Variants in NEBL observed in about 807,000 individuals in gnomAD.
The protein encoded by NEBL is nebulette.
NEBL carries 122 observed loss-of-function variants against 140.2 expected under a neutral mutation model. The ratio of observed to expected loss-of-function variants is 0.87; its 90% CI spans 0.75 to 1.01. The LOEUF is 1.01. Among genes scored for constraint, NEBL ranks in the 50% least tolerant of loss-of-function variants. The pLI is 0.00. For synonymous variants in NEBL, 436 were observed against 398.9 expected, an observed-to-expected ratio of 1.09 and a Z score of -1.11; for missense variants, 1,365 against 1,231.3, an observed-to-expected ratio of 1.11 and a Z score of -1.62.
At chr10:21,046,010 C>CAT (rs1387350369) in intron 2 of NEBL, among the ~76,000 whole-genome samples, 1 of 151,846 alleles carries the variant, frequency 6.6e-6, no homozygotes, top group Non-Finnish European at 1.5e-5. Context: ...ATGTGGTACA[C>CAT]ACACACACAC....
intron 26 of NEBL, among the ~76,000 whole-genome samples, chr10:20,807,396 T>G (rs1043073192): frequency 2.0e-5 from 3 of 152,206 alleles, no homozygotes; most frequent in Non-Finnish European, 4.4e-5. Context: ...GATTTTCTCA[T>G]GTATTTTTAC....
chr10:20,836,081 T>G (rs1036066956), intron 13 of NEBL, among the ~76,000 whole-genome samples: 3 of 152,122 alleles, frequency 2.0e-5, no homozygotes, highest in Non-Finnish European at 2.9e-5. Flanking sequence ...TATTGCATTT[T>G]TTTTTACAAA....
At chr10:20,888,340 T>C (rs1422107343) in intron 3 of NEBL, 133 bp from the exon 4 acceptor site, 3 of 660,898 alleles carry the variant, frequency 4.5e-6, no homozygotes, top group Non-Finnish European at 8.0e-6. Context: ...ATTTTAATTT[T>C]AGATACCAGA....
intron 3 of NEBL, among the ~76,000 whole-genome samples, chr10:21,234,623 G>C (rs1842324639): frequency 6.6e-6 from 1 of 152,150 alleles, no homozygotes; most frequent in Admixed American, 6.5e-5. Context: ...CCATTGAGCA[G>C]TGACGTGCTG....
chr10:20,940,892 G>A (rs1363161013), intron 4 of NEBL, among the ~76,000 whole-genome samples: 2 of 152,176 alleles, frequency 1.3e-5, no homozygotes, highest in African/African-American at 2.4e-5. Flanking sequence ...CCAGGAAGAA[G>A]TTGAATCTCT....
intron 21 of NEBL, 55 bp from the exon 22 acceptor site, chr10:20,815,772 C>CTTAT: frequency 1.6e-6 from 2 of 1,217,914 alleles, no homozygotes; most frequent in Non-Finnish European, 2.4e-6. Context: ...AACAAAGAGA[C>CTTAT]TTATTTATTT....
intron 3 of NEBL, among the ~76,000 whole-genome samples, chr10:21,008,394 C>T (rs902703483): frequency 6.6e-6 from 1 of 152,128 alleles, no homozygotes; most frequent in Non-Finnish European, 1.5e-5. Context: ...TTCTATCTTA[C>T]TATTAGTTAT....
intron 9 of NEBL, among the ~76,000 whole-genome samples, chr10:20,856,684 T>A (rs1442449783): frequency 2.0e-5 from 3 of 152,154 alleles, no homozygotes; most frequent in Non-Finnish European, 4.4e-5. Context: ...ATGATGTAAG[T>A]GTCCTGGAAC....
intron 3 of NEBL, among the ~76,000 whole-genome samples, chr10:20,982,002 A>G (rs1837066636): frequency 6.6e-6 from 1 of 152,216 alleles, no homozygotes; most frequent in Admixed American, 6.5e-5. Flanking sequence ...TTTTGTTAGC[A>G]TTAAAACATA....
chr10:21,219,391 A>C (rs1842038006), intron 3 of NEBL, among the ~76,000 whole-genome samples: 1 of 152,216 alleles, frequency 6.6e-6, no homozygotes, highest in South Asian at 2.1e-4. Context: ...GTATTGAAGC[A>C]AATGTAAATG....
At chr10:21,055,491 A>G (rs562739604) in intron 2 of NEBL, among the ~76,000 whole-genome samples, 1 of 152,256 alleles carries the variant, frequency 6.6e-6, no homozygotes, top group Non-Finnish European at 1.5e-5. Context: ...TGTGACATAA[A>G]TGAAAACCCA....
chr10:21,210,043 C>T (rs1426755878), intron 3 of NEBL, among the ~76,000 whole-genome samples: 2 of 152,188 alleles, frequency 1.3e-5, no homozygotes, highest in Non-Finnish European at 2.9e-5. Flanking sequence ...CCACGAGCCT[C>T]AAAATGTCCT....
chr10:21,273,374 A>G (rs1323831965), intron 1 of NEBL, among the ~76,000 whole-genome samples: 1 of 152,194 alleles, frequency 6.6e-6, no homozygotes, highest in Non-Finnish European at 1.5e-5. Flanking sequence ...ATTTCTGTAT[A>G]AGAATAAATT....
At chr10:20,947,232 C>T (rs886817866) in intron 4 of NEBL, among the ~76,000 whole-genome samples, 18 of 152,142 alleles carry the variant, frequency 1.2e-4, no homozygotes, top group African/African-American at 3.1e-4. Context: ...CAGAATGCCT[C>T]GGTGCTAGCC....
chr10:21,029,474 A>G, intron 2 of NEBL: 1 of 1,611,658 alleles, frequency 6.2e-7, no homozygotes, highest in African/African-American at 1.3e-5. Context: ...CTCAATTAAG[A>G]GTCTCTAGGT....
At chr10:20,902,123 G>T (rs946202498), upstream of NEBL, among the ~76,000 whole-genome samples, 1 of 152,070 alleles carries the variant, frequency 6.6e-6, no homozygotes, top group Admixed American at 6.6e-5. Flanking sequence ...TAATAAGGTG[G>T]CCGGGCGCGG....
chr10:20,939,130 T>A (rs1231291376), intron 4 of NEBL, among the ~76,000 whole-genome samples: 1 of 152,012 alleles, frequency 6.6e-6, no homozygotes, highest in Non-Finnish European at 1.5e-5. Context: ...CCAAGACACA[T>A]AACTGTCAGA....
rs915833203 is a variant in NEBL, at chr10:20,953,316, C to T, written c.357+8356G>A. On this transcript the variant is annotated intron_variant, in intron 4 of 6. Coordinates refer to the NEBL transcript ENST00000417816. ...CTCTCTCTCCACATGCACACACCAA[C>T]GAAAGGCCACATGAGGACACTGCAA... Among the ~76,000 whole-genome samples the T allele has an allele frequency of 3.9e-5, 6 of 152,240 alleles. No homozygotes were observed. The South Asian group carries it at 8.3e-4, about 21-fold the overall frequency.
chr10:20,897,076 T>C (rs893005522), intron 1 of NEBL, 47 bp from the exon 2 acceptor site: 3 of 1,602,334 alleles, frequency 1.9e-6, no homozygotes, highest in East Asian at 4.5e-5. Flanking sequence ...TTTCTCATTG[T>C]CAATTTAGAG....
Sources: gnomAD v4.1 joint callset for allele counts (sites outside exome capture counted in the v4.1 genomes callset) on GRCh38, gnomAD v4.1.1 for gene constraint, MANE v1.5 for transcripts, NCBI Gene and HGNC (gene_info 2026-07-23, HGNC 2026-07-21) for gene names.